The following PITPNC1 variants were observed in gnomAD, a reference collection of about 807,000 sequenced individuals.
PITPNC1 encodes phosphatidylinositol transfer protein cytoplasmic 1.
In PITPNC1, 18 loss-of-function variants were observed where a neutral mutation model predicts 44.7. That is an observed-to-expected ratio of 0.40 (90% CI 0.28 to 0.60). PITPNC1 has a LOEUF of 0.60. Among genes scored for constraint, PITPNC1 ranks in the 20% least tolerant of loss-of-function variants. The pLI, the probability that PITPNC1 is intolerant of heterozygous loss-of-function variation, is 0.39. For synonymous variants in PITPNC1, 141 were observed against 149.6 expected (o/e 0.94, Z 0.42); for missense variants, 290 against 418.4 (o/e 0.69, Z 2.68).
At position 67,550,832 on chromosome 17, in the gene PITPNC1, C is replaced by T. The variant is rs189536927; in HGVS notation, c.198-1425C>T. Among the ~76,000 whole-genome samples the T allele has an allele frequency of 9.3e-4, 141 of 152,166 alleles. 2 individuals are homozygous for T. Among genetic ancestry groups the T allele is most frequent in the Admixed American group, 7.0e-3 (107 of 15,290 alleles). ...ATCCCAGCACTTTTGGAGGCCGAGG[C>T]GGGTGGATCATGAGGTCAGGAGATC... On this transcript the variant is annotated intron_variant, in intron 2 of 8. Transcript: ENST00000581322.
chr17:67,443,656 G>A (rs1320316627), intron 1 of PITPNC1, among the ~76,000 whole-genome samples: 10 of 147,598 alleles, frequency 6.8e-5, no homozygotes, highest in Non-Finnish European at 1.0e-4. Flanking sequence ...TTTTTTGAGG[G>A]GGAATTCTCA....
At chr17:67,542,888 C>G (rs573407827) in intron 2 of PITPNC1, among the ~76,000 whole-genome samples, 1 of 152,276 alleles carries the variant, frequency 6.6e-6, no homozygotes, top group South Asian at 2.1e-4. Flanking sequence ...GAGAAAGTTG[C>G]TCAAAGGGGA....
chr17:67,552,149 A>G (rs919305945), intron 2 of PITPNC1, 108 bp from the exon 3 acceptor site: 6 of 698,638 alleles, frequency 8.6e-6, no homozygotes, highest in South Asian at 7.8e-5. Flanking sequence ...GAGAAAAGAG[A>G]TGCCCCAGAA....
chr17:67,637,490 A>G (rs2042047023), intron 6 of PITPNC1, among the ~76,000 whole-genome samples: 1 of 152,108 alleles, frequency 6.6e-6, no homozygotes, highest in African/African-American at 2.4e-5. Flanking sequence ...CCACTCAGCT[A>G]CTGTTGCACA....
intron 1 of PITPNC1, among the ~76,000 whole-genome samples, chr17:67,381,614 C>T (rs191477325): frequency 1.3e-5 from 2 of 152,082 alleles, no homozygotes; most frequent in Admixed American, 6.5e-5. Context: ...CTACAGGCGC[C>T]AGCCACCGCA....
intron 1 of PITPNC1, among the ~76,000 whole-genome samples, chr17:67,455,767 G>C (rs2039247409): frequency 6.6e-6 from 1 of 151,960 alleles, no homozygotes; most frequent in East Asian, 1.9e-4. Context: ...TAAAGCTTTG[G>C]TGTATCTTGC....
At chr17:67,454,611 G>A (rs1301409233) in intron 1 of PITPNC1, among the ~76,000 whole-genome samples, 5 of 151,918 alleles carry the variant, frequency 3.3e-5, no homozygotes, top group African/African-American at 7.3e-5. Context: ...AATTATTGCC[G>A]TTTACTTTAG....
intron 5 of PITPNC1, among the ~76,000 whole-genome samples, chr17:67,627,099 A>G (rs1337918992): frequency 6.6e-6 from 1 of 152,108 alleles, no homozygotes; most frequent in African/African-American, 2.4e-5. Context: ...CTAAAAATAC[A>G]AAAATTAGCC....
chr17:67,663,237 C>T (rs991825348), intron 6 of PITPNC1, among the ~76,000 whole-genome samples: 4 of 152,122 alleles, frequency 2.6e-5, no homozygotes, highest in African/African-American at 9.7e-5. Context: ...CTTGGCTTCA[C>T]CCAGGAAAGA....
At chr17:67,396,021 G>A (rs1323698504) in intron 1 of PITPNC1, among the ~76,000 whole-genome samples, 1 of 152,256 alleles carries the variant, frequency 6.6e-6, no homozygotes, top group South Asian at 2.1e-4. Flanking sequence ...TGCGTTTGAC[G>A]GAAACTTGGA....
intron 1 of PITPNC1, among the ~76,000 whole-genome samples, chr17:67,485,148 A>C (rs1443676141): frequency 6.6e-6 from 1 of 151,714 alleles, no homozygotes; most frequent in African/African-American, 2.4e-5. Flanking sequence ...CTCACTCTTA[A>C]CCACTTGGCT....
At chr17:67,642,564 C>G (rs1229556116) in intron 6 of PITPNC1, among the ~76,000 whole-genome samples, 1 of 152,138 alleles carries the variant, frequency 6.6e-6, no homozygotes, top group Non-Finnish European at 1.5e-5. Flanking sequence ...TCTCAACAAC[C>G]CTGGCTGCAC....
chr17:67,435,125 A>AG (rs2038919801), intron 1 of PITPNC1, among the ~76,000 whole-genome samples: 1 of 151,526 alleles, frequency 6.6e-6, no homozygotes, highest in Non-Finnish European at 1.5e-5. Flanking sequence ...AAAAAAAAAA[A>AG]AAAAAGAAGC....
At chr17:67,473,123 G>A (rs993238303) in intron 1 of PITPNC1, among the ~76,000 whole-genome samples, 3 of 152,058 alleles carry the variant, frequency 2.0e-5, no homozygotes, top group Admixed American at 6.5e-5. Flanking sequence ...TGATCCACCC[G>A]CCTTGGCCTC....
intron 1 of PITPNC1, among the ~76,000 whole-genome samples, chr17:67,415,359 C>T (rs940140728): frequency 2.0e-5 from 3 of 152,252 alleles, no homozygotes; most frequent in Non-Finnish European, 2.9e-5. Flanking sequence ...TTAGGTGTCA[C>T]TCCCATTAGA....
At chr17:67,579,811 A>G (rs1428711082) in intron 5 of PITPNC1, among the ~76,000 whole-genome samples, 1 of 151,754 alleles carries the variant, frequency 6.6e-6, no homozygotes, top group Non-Finnish European at 1.5e-5. Context: ...GTGGTGGCGC[A>G]TGCCTGTAAT....
chr17:67,592,146 A>G (rs550481793), intron 5 of PITPNC1, among the ~76,000 whole-genome samples: 2 of 152,210 alleles, frequency 1.3e-5, no homozygotes, highest in Non-Finnish European at 2.9e-5. Context: ...ATTATCTTAA[A>G]TAGAATACTA....
chr17:67,485,816 C>G (rs78595473), intron 1 of PITPNC1, among the ~76,000 whole-genome samples: 1 of 152,110 alleles, frequency 6.6e-6, no homozygotes, highest in Non-Finnish European at 1.5e-5. Context: ...AAAGCTATCA[C>G]GCTGTATGAG....
intron 1 of PITPNC1, among the ~76,000 whole-genome samples, chr17:67,464,827 C>T (rs1038995853): frequency 6.6e-6 from 1 of 151,820 alleles, no homozygotes; most frequent in African/African-American, 2.4e-5. Context: ...GCAATGTCTG[C>T]CTCTCGGGTC....
Sources: gnomAD v4.1 joint callset for allele counts (sites outside exome capture counted in the v4.1 genomes callset) on GRCh38, gnomAD v4.1.1 for gene constraint, MANE v1.5 for transcripts, NCBI Gene and HGNC (gene_info 2026-07-23, HGNC 2026-07-21) for gene names.